PTPRQ: variants seen among roughly 807,000 people sequenced by gnomAD.
PTPRQ encodes the protein phosphatidylinositol phosphatase PTPRQ.
In PTPRQ, 199 loss-of-function variants were observed where a neutral mutation model predicts 246.0. The ratio of observed to expected loss-of-function variants is 0.81; its 90% confidence interval spans 0.72 to 0.91. The LOEUF is 0.91. PTPRQ is among the 40% of genes least tolerant of loss of function. PTPRQ has a pLI of 0.00. For synonymous variants in PTPRQ, 869 were observed against 853.2 expected (o/e 1.02, Z -0.32); for missense variants, 2,624 against 2,528.4 (o/e 1.04, Z -0.81).
intron 36 of PTPRQ, among the ~76,000 whole-genome samples, 161 bp from the exon 37 acceptor site, chr12:80,649,427 A>T (rs1450649435): frequency 1.3e-5 from 2 of 152,164 alleles, no homozygotes; most frequent in African/African-American, 4.8e-5. Flanking sequence ...AAGAAAAGTT[A>T]ATTTTATAAG....
Position 80,534,743 on chromosome 12 carries a change from T to C in PTPRQ, c.2840-149T>C, listed in dbSNP as rs552865590. The C allele has an allele frequency of 1.7e-3, 1,731 of 1,009,794 alleles. 44 individuals are homozygous for C. The South Asian group carries it at 0.03, about 17-fold the overall frequency. The allele number at this position is 1,009,794 out of a possible 1,614,324, so 62.6% of individuals were successfully genotyped here. ...TAGAGGGGTGACCCAATGTGTTTTATGGATTTCATTTCTGACATTTCTAAT... is the reference window on the plus strand; with the variant it reads ...TAGAGGGGTGACCCAATGTGTTTTACGGATTTCATTTCTGACATTTCTAAT... On this transcript the variant is annotated intron_variant, in intron 18 of 44. Coordinates refer to ENST00000644991, the MANE Select transcript of PTPRQ (RefSeq NM_001145026.2).
At chr12:80,561,012 A>G (rs571244169) in intron 25 of PTPRQ, 1 of 154,380 alleles carries the variant, frequency 6.5e-6, no homozygotes, top group South Asian at 2.0e-4. Flanking sequence ...GAAAAGCCTC[A>G]AGAAACATTG....
chr12:80,553,049 C>T (rs1313361500), intron 25 of PTPRQ, among the ~76,000 whole-genome samples: 1 of 152,036 alleles, frequency 6.6e-6, no homozygotes, highest in African/African-American at 2.4e-5. Flanking sequence ...ACAGTTCTAA[C>T]AGAAAGCCTT....
At chr12:80,461,409 G>A (rs1041122729) in intron 6 of PTPRQ, among the ~76,000 whole-genome samples, 1 of 151,986 alleles carries the variant, frequency 6.6e-6, no homozygotes, top group Admixed American at 6.6e-5. Flanking sequence ...CTTCCTTAGG[G>A]TGCCAGTGTT....
intron 42 of PTPRQ, among the ~76,000 whole-genome samples, chr12:80,671,173 A>G (rs1243290723): frequency 6.6e-6 from 1 of 152,044 alleles, no homozygotes; most frequent in Non-Finnish European, 1.5e-5. Flanking sequence ...GGATTTTTAA[A>G]ATTATAAGAC....
intron 8 of PTPRQ, among the ~76,000 whole-genome samples, chr12:80,477,448 T>G (rs1893849213): frequency 6.6e-6 from 1 of 152,226 alleles, no homozygotes; most frequent in African/African-American, 2.4e-5. Flanking sequence ...TTCAAACAAA[T>G]GTTATGACTT....
chr12:80,564,016 G>C (rs1896907509), intron 25 of PTPRQ, among the ~76,000 whole-genome samples: 1 of 151,850 alleles, frequency 6.6e-6, no homozygotes, highest in Non-Finnish European at 1.5e-5. Flanking sequence ...TGTCTTGCTA[G>C]ACTGCACTGT....
intron 25 of PTPRQ, among the ~76,000 whole-genome samples, chr12:80,572,817 G>T (rs1019473093): frequency 6.6e-6 from 1 of 151,946 alleles, no homozygotes; most frequent in East Asian, 1.9e-4. Flanking sequence ...GTTTATTTTT[G>T]AATGTTAAAT....
intron 37 of PTPRQ, 102 bp from the exon 38 acceptor site, chr12:80,652,642 A>T: frequency 8.3e-7 from 1 of 1,211,358 alleles, no homozygotes; most frequent in Non-Finnish European, 1.1e-6. Flanking sequence ...TTTTAATTTA[A>T]AAATTAAAAA....
At chr12:80,551,003 C>T (rs1460218130) in intron 25 of PTPRQ, among the ~76,000 whole-genome samples, 1 of 152,074 alleles carries the variant, frequency 6.6e-6, no homozygotes, top group Non-Finnish European at 1.5e-5. Context: ...GAAGTCCTTG[C>T]CTTCCTCTTT....
rs116236596 is a variant in PTPRQ at position 80,594,459 on chromosome 12, A to G, written c.4609+6007A>G. Among the ~76,000 whole-genome samples the G allele has an allele frequency of 5.0e-3, 758 of 152,218 alleles. 4 individuals carry two copies. The highest frequency in any genetic ancestry group is 0.017 in the African/African-American group (721 of 41,544). Reference sequence around the variant, plus strand: ...CAAAATTAGTTAGATGCTGTTGAAAATCTTCTAAATTAGTTACACAGGACT... The same window carrying G: ...CAAAATTAGTTAGATGCTGTTGAAAGTCTTCTAAATTAGTTACACAGGACT... On this transcript the variant is annotated intron_variant, in intron 26 of 44. Transcript: ENST00000644991.
intron 33 of PTPRQ, among the ~76,000 whole-genome samples, chr12:80,623,656 C>G (rs1899081358): frequency 6.6e-6 from 1 of 152,096 alleles, no homozygotes; most frequent in South Asian, 2.1e-4. Flanking sequence ...ACCCATGTGT[C>G]TTAGGAGATA....
intron 17 of PTPRQ, among the ~76,000 whole-genome samples, chr12:80,519,959 G>A (rs1362724509): frequency 4.6e-5 from 7 of 152,006 alleles, no homozygotes; most frequent in Admixed American, 4.6e-4. Flanking sequence ...TGAGTCCAGT[G>A]CTTGTTTAAC....
intron 6 of PTPRQ, among the ~76,000 whole-genome samples, chr12:80,466,295 A>C (rs1167316197): frequency 1.3e-5 from 2 of 152,216 alleles, no homozygotes; most frequent in African/African-American, 4.8e-5. Context: ...AATCCAACTT[A>C]CAAGGGATGT....
chr12:80,672,660 T>A (rs1275806980), intron 42 of PTPRQ, among the ~76,000 whole-genome samples: 1 of 152,048 alleles, frequency 6.6e-6, no homozygotes, highest in African/African-American at 2.4e-5. Context: ...TAAATGAAAA[T>A]AGTTTTTCAA....
chr12:80,610,693 T>A (rs1433906141), intron 28 of PTPRQ, 68 bp downstream of exon 28: 2 of 1,499,542 alleles, frequency 1.3e-6, no homozygotes, highest in Admixed American at 2.2e-5. Flanking sequence ...CAGTTCATCA[T>A]ACTCCACCAA....
At chr12:80,479,227 T>G (rs1294088823) in intron 8 of PTPRQ, among the ~76,000 whole-genome samples, 6 of 149,174 alleles carry the variant, frequency 4.0e-5, no homozygotes, top group Non-Finnish European at 7.5e-5. Context: ...ATATTCAACA[T>G]TCTTAAAGAA....
At chr12:80,632,333 C>CATA (rs1471962660) in intron 34 of PTPRQ, 42 bp downstream of exon 34, 1 of 1,549,838 alleles carries the variant, frequency 6.5e-7, no homozygotes, top group Non-Finnish European at 8.7e-7. Flanking sequence ...GCTTTATGGG[C>CATA]ATTATATCAG....
At chr12:80,542,448 A>C (rs761510564) in intron 22 of PTPRQ, 84 bp downstream of exon 22, 142 of 1,467,660 alleles carry the variant, frequency 9.7e-5, no homozygotes, top group Non-Finnish European at 1.2e-4. Flanking sequence ...TGGAATATGA[A>C]AGGATATCTG....
Sources: allele counts gnomAD v4.1 joint callset (sites outside exome capture counted in the v4.1 genomes callset), GRCh38; gene constraint gnomAD v4.1.1; transcripts MANE v1.5; gene names NCBI Gene and HGNC (gene_info 2026-07-23, HGNC 2026-07-21).